The following COQ2 variants were observed in gnomAD, a reference collection of about 807,000 sequenced individuals.
COQ2 encodes the protein 4-hydroxybenzoate polyprenyltransferase, mitochondrial.
COQ2 carries 25 observed loss-of-function variants against 35.7 expected under a neutral mutation model. That is an observed-to-expected ratio of 0.70 (90% confidence interval 0.51 to 0.98). COQ2 has a LOEUF of 0.98. COQ2 is among the 50% of genes least tolerant of loss of function. The pLI is 0.00. For missense variants in COQ2, 488 were observed against 473.5 expected (o/e 1.03, Z -0.28); for synonymous variants, 206 against 186.2 (o/e 1.11, Z -0.86).
At chr4:83,282,053 G>A (rs960264375) in intron 1 of COQ2, among the ~76,000 whole-genome samples, 9 of 151,844 alleles carry the variant, frequency 5.9e-5, no homozygotes, top group African/African-American at 2.2e-4. Context: ...GAGACAAGTA[G>A]ATTGCAAAAA....
chr4:83,282,509 T>C, intron 1 of COQ2: 1 of 452,804 alleles, frequency 2.2e-6, no homozygotes, highest in Non-Finnish European at 2.9e-6. Flanking sequence ...TATTTAGTTT[T>C]CTGAAAAATC....
chr4:83,278,846 C>T (rs1735243140), intron 2 of COQ2, 102 bp downstream of exon 2: 1 of 1,255,710 alleles, frequency 8.0e-7, no homozygotes, highest in Non-Finnish European at 1.0e-6. Context: ...TCTGTGGTCA[C>T]TGAATGATCT....
chr4:83,272,187 A>G lies in COQ2; in HGVS notation c.543-15T>C. 6.4e-7 allele frequency: 1 copy of G among 1,571,708 alleles called. No homozygotes were observed. Among genetic ancestry groups the G allele is most frequent in the Non-Finnish European group, 8.7e-7 (1 of 1,148,250 alleles). ...CCAGAGCTATACTGAAAAGAGGAAA[A>G]ACCATTAAAGTGATTATTACCACTA... On this transcript the variant is annotated splice_polypyrimidine_tract_variant and intron_variant, in intron 3 of 6. Transcript: ENST00000647002.
Position 83,276,066 on chromosome 4 carries a change from ATTTT to A in COQ2, c.421-2453_421-2450del, listed in dbSNP as rs374005175. On this transcript the variant is annotated intron_variant, in intron 2 of 6. Transcript: ENST00000647002. ...AAAATATATATTATATATAATATAT[ATTTT>A]ATATATAATATATATATACATATTC... 3.2e-3 allele frequency among the ~76,000 whole-genome samples: 44 copies of A among 13,830 alleles called. No homozygotes were observed. In the East Asian group the frequency reaches 0.13, roughly 41 times the overall value. 9.1% of individuals were successfully genotyped at this position (13,830 alleles called of 152,430 possible).
intron 3 of COQ2, among the ~76,000 whole-genome samples, chr4:83,273,099 T>A (rs1225347971): frequency 6.6e-6 from 1 of 152,218 alleles, no homozygotes. Context: ...AAAGACATAG[T>A]TCCTCTTTTT....
chr4:83,283,247 A>T (rs367638205), intron 1 of COQ2: 3 of 984,766 alleles, frequency 3.0e-6, no homozygotes, highest in South Asian at 4.7e-5. Context: ...AGTGGAGTAA[A>T]TGTACCTAGG....
At position 83,284,494 on chromosome 4, in the gene COQ2, C is replaced by T. The variant is rs755499701; in HGVS notation, c.253+18G>A. 2 of 1,537,492 alleles carry T rather than the reference C, an allele frequency of 1.3e-6. No individual in the cohort carries two copies. The highest frequency in any genetic ancestry group is 8.8e-7 in the Non-Finnish European group (1 of 1,137,804). ...TGCTACTTGCAAATTCCCGGGCTGCCCGCCCGCCCGCACTCACCAATGGGC... is the reference window on the plus strand; with the variant it reads ...TGCTACTTGCAAATTCCCGGGCTGCTCGCCCGCCCGCACTCACCAATGGGC... On this transcript the variant is annotated intron_variant, in intron 1 of 6. Transcript: ENST00000647002.
At chr4:83,269,804 G>C (rs775216046) in intron 5 of COQ2, 56 bp downstream of exon 5, 1 of 1,360,816 alleles carries the variant, frequency 7.3e-7, no homozygotes. Context: ...TCCTTAATTT[G>C]GTTCTTTAAA....
chr4:83,283,829 A>C, intron 1 of COQ2: 1 of 985,484 alleles, frequency 1.0e-6, no homozygotes, highest in Non-Finnish European at 1.2e-6. Context: ...AAGCGATAGA[A>C]AGTGAGGTTG....
At chr4:83,283,421 C>T (rs1420189377) in intron 1 of COQ2, 1 of 985,386 alleles carries the variant, frequency 1.0e-6, no homozygotes, top group Non-Finnish European at 1.2e-6. Context: ...AGGTCAGGCT[C>T]GTATTCTTAG....
In COQ2 at chr4:83,264,306, G is replaced by T. The variant is rs751185256; in HGVS notation, c.1009C>A (p.Arg337=). 1 of 1,611,764 alleles carries T rather than the reference G, an allele frequency of 6.2e-7. No homozygotes were observed. The highest frequency in any genetic ancestry group is 8.5e-7 in the Non-Finnish European group (1 of 1,179,240). The change falls in exon 7 of 7, where the codon CGA becomes AGA. Residue 337 remains arginine, a synonymous_variant. Coordinates refer to ENST00000647002, the MANE Select transcript of COQ2 (RefSeq NM_001358921.2). ...EDCWNKFISN[R]TLGLIVFLGI... ...AAAAAAACTATTAGTCCCAGTGTTC[G>T]GTTGGAGATAAATTTATTCCAACAA...
At chr4:83,284,806 C>A, upstream of COQ2, 1 of 1,569,742 alleles carries the variant, frequency 6.4e-7, no homozygotes, top group African/African-American at 1.4e-5. Context: ...GACGTCATTC[C>A]CCGGCAGGCA....
At chr4:83,270,684 G>C (rs1735028508) in intron 4 of COQ2, among the ~76,000 whole-genome samples, 1 of 152,136 alleles carries the variant, frequency 6.6e-6, no homozygotes, top group Non-Finnish European at 1.5e-5. Context: ...CTTAACTGAT[G>C]AAGTGCCTCT....
At chr4:83,272,923 A>G (rs1278507345) in intron 3 of COQ2, among the ~76,000 whole-genome samples, 1 of 152,242 alleles carries the variant, frequency 6.6e-6, no homozygotes, top group Non-Finnish European at 1.5e-5. Context: ...GCACGCAATT[A>G]AGTCTAGTCT....
chr4:83,273,871 C>T, intron 2 of COQ2, among the ~76,000 whole-genome samples: 1 of 149,872 alleles, frequency 6.7e-6, no homozygotes, highest in Non-Finnish European at 1.5e-5. Context: ...TGGCTGGGTG[C>T]AGTGGCTCAA....
intron 6 of COQ2, among the ~76,000 whole-genome samples, chr4:83,266,396 C>T (rs371216242): frequency 4.7e-5 from 7 of 149,378 alleles, no homozygotes; most frequent in African/African-American, 4.9e-5. Context: ...CTTGCTCTGT[C>T]GCCCAGGCTG....
rs192641245 is a variant in COQ2, at chr4:83,264,217, C to T, written c.1098G>A (p.Glu366=). Residue 366 remains glutamate, a synonymous_variant, in exon 7 of 7, where the codon GAG becomes GAA. Transcript: ENST00000647002. Reference sequence around the variant, plus strand: ...TCATTCATTAATTTTCTATTTTATTCTCTATACCCTTCTTTGTTTTGTCTG... The same window carrying T: ...TCATTCATTAATTTTCTATTTTATTTTCTATACCCTTCTTTGTTTTGTCTG... The part of the protein sequence containing the change: ...KKTDKTKKGI[E]NKIEN The T allele has an allele frequency of 6.7e-7, 1 of 1,481,510 alleles. No individual in the cohort carries two copies. Among genetic ancestry groups the T allele is most frequent in the Non-Finnish European group, 9.3e-7 (1 of 1,075,036 alleles). The allele number at this position is 1,481,510 out of a possible 1,614,324, so 91.8% of individuals were successfully genotyped here.
At chr4:83,264,430 T>C (rs2126170324) in intron 6 of COQ2, 67 bp from the exon 7 acceptor site, 2 of 1,489,376 alleles carry the variant, frequency 1.3e-6, no homozygotes, top group South Asian at 1.4e-5. Flanking sequence ...CAAATAAACA[T>C]GTTAACACGG....
rs537669406 is a variant in COQ2, at chr4:83,276,277, GTAGATTC to G, written c.420+2664_421-2661del. Among the ~76,000 whole-genome samples the G allele has an allele frequency of 3.0e-3, 457 of 151,858 alleles. 1 individual carries two copies. The highest frequency in any genetic ancestry group is 0.011 in the African/African-American group (444 of 41,356). ...TTTTTTCTTGTTGTTTGAGCTCCTT[GTAGATTC>G]TAGACATTAGCCCTTTGTTGGACGC... On this transcript the variant is annotated intron_variant, in intron 2 of 6. Coordinates refer to ENST00000647002, the MANE Select transcript of COQ2 (RefSeq NM_001358921.2).
Sources: gnomAD v4.1 joint callset for allele counts (sites outside exome capture counted in the v4.1 genomes callset) on GRCh38, gnomAD v4.1.1 for gene constraint, MANE v1.5 for transcripts, NCBI Gene and HGNC (gene_info 2026-07-23, HGNC 2026-07-21) for gene names.